The following RBFOX1 variants were observed in gnomAD, a reference collection of about 807,000 sequenced individuals.
The protein encoded by RBFOX1 is RNA binding fox-1 homolog 1.
In RBFOX1, 8 loss-of-function variants were observed where a neutral mutation model predicts 57.7. The observed-to-expected ratio is 0.14, with a 90% confidence interval of 0.08 to 0.25. The LOEUF (loss-of-function observed/expected upper bound fraction) is 0.25. Among genes scored for constraint, RBFOX1 ranks in the 10% least tolerant of loss-of-function variants. RBFOX1 has a pLI of 1.00. For missense variants in RBFOX1, 611 were observed against 548.5 expected, an observed-to-expected ratio of 1.11 and a Z score of -1.14; for synonymous variants, 326 against 222.4, an observed-to-expected ratio of 1.47 and a Z score of -4.15.
At chr16:7,281,974 T>A (rs2095553076) in intron 4 of RBFOX1, among the ~76,000 whole-genome samples, 1 of 152,132 alleles carries the variant, frequency 6.6e-6, no homozygotes, top group Non-Finnish European at 1.5e-5. Flanking sequence ...CCAGCAATCC[T>A]CCCACCTCAG....
intron 1 of RBFOX1, among the ~76,000 whole-genome samples, chr16:6,282,795 C>T (rs1459988051): frequency 6.6e-6 from 1 of 152,188 alleles, no homozygotes; most frequent in Non-Finnish European, 1.5e-5. Flanking sequence ...TGTAAGTCTT[C>T]AGAACCAAGG....
chr16:6,365,984 T>C (rs1173081368), intron 2 of RBFOX1, among the ~76,000 whole-genome samples: 1 of 151,946 alleles, frequency 6.6e-6, no homozygotes, highest in African/African-American at 2.4e-5. Flanking sequence ...TGGGTGTTTT[T>C]TTTTTCCACG....
intron 2 of RBFOX1, among the ~76,000 whole-genome samples, chr16:5,594,412 TGACACAGCCTCAGGAGGTCCTGAC>T (rs61583912): frequency 0.11 from 16,950 of 152,158 alleles, 1,192 homozygotes; most frequent in East Asian, 0.32. Flanking sequence ...CACAGGCCTG[TGACACAGCCTCAGGAGGTCCTGAC>T]GACATCTGCC....
chr16:6,562,653 G>C (rs1325489271), intron 2 of RBFOX1, among the ~76,000 whole-genome samples: 1 of 152,102 alleles, frequency 6.6e-6, no homozygotes, highest in East Asian at 1.9e-4. Flanking sequence ...TGACAAATGA[G>C]AAAGCAGCCA....
At chr16:5,501,318 C>CAAAAAAAAAAAAAA (rs1160788118) in intron 2 of RBFOX1, among the ~76,000 whole-genome samples, 73 of 64,802 alleles carry the variant, frequency 1.1e-3, no homozygotes, top group Non-Finnish European at 1.8e-3. Flanking sequence ...ACTCTGTCTA[C>CAAAAAAAAAAAAAA]AAAAAAAAAA....
intron 1 of RBFOX1, among the ~76,000 whole-genome samples, chr16:6,237,296 A>T (rs2097512364): frequency 6.6e-6 from 1 of 152,222 alleles, no homozygotes; most frequent in African/African-American, 2.4e-5. Context: ...GGTGGAAGTA[A>T]ATCCTACTTT....
chr16:5,939,856 A>G (rs1734622212), intron 4 of RBFOX1, among the ~76,000 whole-genome samples: 1 of 152,208 alleles, frequency 6.6e-6, no homozygotes, highest in Non-Finnish European at 1.5e-5. Context: ...ATTGAGGCAC[A>G]GTTGCAGGTT....
chr16:5,586,226 G>C (rs2046823706), intron 2 of RBFOX1, among the ~76,000 whole-genome samples: 1 of 152,100 alleles, frequency 6.6e-6, no homozygotes, highest in Non-Finnish European at 1.5e-5. Context: ...CCACACCTTG[G>C]TTTCAGACTT....
chr16:6,047,156 C>G (rs2095503908), intron 1 of RBFOX1, among the ~76,000 whole-genome samples: 1 of 152,150 alleles, frequency 6.6e-6, no homozygotes, highest in African/African-American at 2.4e-5. Flanking sequence ...GACTATAAAA[C>G]AAATTAAACC....
intron 4 of RBFOX1, among the ~76,000 whole-genome samples, chr16:5,907,747 TCA>T (rs2058496810): frequency 6.7e-6 from 1 of 149,772 alleles, no homozygotes; most frequent in East Asian, 1.9e-4. Flanking sequence ...ATCATCATCA[TCA>T]TCATCATCAT....
At chr16:5,667,078 G>T (rs1057373937) in intron 3 of RBFOX1, among the ~76,000 whole-genome samples, 1 of 152,142 alleles carries the variant, frequency 6.6e-6, no homozygotes. Context: ...TTCAGGATAG[G>T]TCATTCCCTA....
At chr16:6,479,970 A>C (rs1314432614) in intron 2 of RBFOX1, among the ~76,000 whole-genome samples, 2 of 151,826 alleles carry the variant, frequency 1.3e-5, no homozygotes, top group African/African-American at 4.8e-5. Flanking sequence ...AGAATTGCTT[A>C]AACCCAGGGG....
At chr16:6,267,409 T>C (rs2074652320) in intron 1 of RBFOX1, among the ~76,000 whole-genome samples, 1 of 152,212 alleles carries the variant, frequency 6.6e-6, no homozygotes, top group Non-Finnish European at 1.5e-5. Context: ...CTTCTGTTCC[T>C]TATAGGACTT....
chr16:6,687,630 C>A (rs2059623872), intron 3 of RBFOX1, among the ~76,000 whole-genome samples: 1 of 152,080 alleles, frequency 6.6e-6, no homozygotes, highest in Non-Finnish European at 1.5e-5. Flanking sequence ...GGTTCTCTTC[C>A]AAGGGGAAGT....
chr16:5,269,301 T>C (rs569365427), intron 1 of RBFOX1, among the ~76,000 whole-genome samples: 18 of 152,404 alleles, frequency 1.2e-4, no homozygotes, highest in Non-Finnish European at 2.1e-4. Context: ...TCCCTGATGA[T>C]GAATTTCATT....
chr16:6,677,317 C>G (rs530330148), intron 3 of RBFOX1, among the ~76,000 whole-genome samples: 3 of 152,222 alleles, frequency 2.0e-5, no homozygotes, highest in South Asian at 2.1e-4. Context: ...CCTTAAGGCC[C>G]TTTTGTAACA....
At chr16:5,969,944 G>T (rs1332070886) in intron 4 of RBFOX1, among the ~76,000 whole-genome samples, 2 of 152,102 alleles carry the variant, frequency 1.3e-5, no homozygotes, top group African/African-American at 4.8e-5. Flanking sequence ...TTTGCAGGGA[G>T]TTGACCACAT....
intron 4 of RBFOX1, among the ~76,000 whole-genome samples, chr16:5,951,533 A>G (rs1309791004): frequency 1.1e-4 from 16 of 152,184 alleles, no homozygotes; most frequent in Admixed American, 1.0e-3. Context: ...GCATGTGTAT[A>G]TAAGCTGCTG....
chr16:5,605,124 A>T (rs2047523556), downstream of RBFOX1, among the ~76,000 whole-genome samples: 1 of 152,130 alleles, frequency 6.6e-6, no homozygotes, highest in Non-Finnish European at 1.5e-5. Context: ...TCTGGCTTCT[A>T]GTTGCTGTGA....
Sources: gnomAD v4.1 joint callset for allele counts (sites outside exome capture counted in the v4.1 genomes callset) on GRCh38, gnomAD v4.1.1 for gene constraint, MANE v1.5 for transcripts, NCBI Gene and HGNC (gene_info 2026-07-23, HGNC 2026-07-21) for gene names.